Variants in B3GALT1 observed in about 807,000 individuals in gnomAD.
The protein encoded by B3GALT1 is beta-1,3-galactosyltransferase 1, also known as UDP-Gal:betaGlcNAc beta 1,3-galactosyltransferase, polypeptide 1.
Under a neutral mutation model 23.2 loss-of-function variants are expected in B3GALT1, and 10 were observed. The observed-to-expected ratio is 0.43, with a 90% CI of 0.27 to 0.73. The LOEUF (loss-of-function observed/expected upper bound fraction) is 0.73. B3GALT1 is among the 30% of genes least tolerant of loss of function. The pLI, the probability that B3GALT1 is intolerant of heterozygous loss-of-function variation, is 0.21. For missense variants in B3GALT1, 299 were observed against 405.4 expected, an observed-to-expected ratio of 0.74 and a Z score of 2.25; for synonymous variants, 156 against 141.5, an observed-to-expected ratio of 1.10 and a Z score of -0.73.
chr2:167,381,171 G>A (rs959708994), intron 1 of B3GALT1, among the ~76,000 whole-genome samples: 2 of 152,016 alleles, frequency 1.3e-5, no homozygotes, highest in Non-Finnish European at 2.9e-5. Flanking sequence ...AGGCTCAAGC[G>A]ATCCTCCCAC....
At chr2:167,671,324 A>T (rs577637768) in intron 3 of B3GALT1, among the ~76,000 whole-genome samples, 1 of 152,170 alleles carries the variant, frequency 6.6e-6, no homozygotes, top group Admixed American at 6.6e-5. Flanking sequence ...TAACAGACAA[A>T]TACAGAACAT....
intron 2 of B3GALT1, among the ~76,000 whole-genome samples, chr2:167,603,588 A>C (rs180981641): frequency 6.6e-6 from 1 of 152,244 alleles, no homozygotes; most frequent in African/African-American, 2.4e-5. Flanking sequence ...TGATCCTTAC[A>C]TGCTGGTTAT....
At chr2:167,737,632 A>G (rs57148005) in intron 3 of B3GALT1, among the ~76,000 whole-genome samples, 21,830 of 152,268 alleles carry the variant, frequency 0.14, 1,798 homozygotes, top group South Asian at 0.21. Context: ...TCCTGTCTTC[A>G]GACATTTGGA....
At chr2:167,867,120 G>A (rs1398260180) in intron 4 of B3GALT1, among the ~76,000 whole-genome samples, 18 of 152,180 alleles carry the variant, frequency 1.2e-4, no homozygotes, top group African/African-American at 2.9e-4. Context: ...TAGAGACGGG[G>A]TTTCACCGTT....
At chr2:167,396,006 C>T (rs954573491) in intron 1 of B3GALT1, among the ~76,000 whole-genome samples, 1 of 152,082 alleles carries the variant, frequency 6.6e-6, no homozygotes, top group African/African-American at 2.4e-5. Context: ...CCTACCCTCA[C>T]CCCTCCAGAG....
chr2:167,514,334 G>T (rs1443267740), intron 2 of B3GALT1, among the ~76,000 whole-genome samples: 1 of 152,112 alleles, frequency 6.6e-6, no homozygotes, highest in African/African-American at 2.4e-5. Context: ...AAAATGTTTG[G>T]AACTGAATAA....
chr2:167,560,581 C>G (rs979528874), intron 2 of B3GALT1, among the ~76,000 whole-genome samples: 1 of 152,054 alleles, frequency 6.6e-6, no homozygotes, highest in Admixed American at 6.6e-5. Context: ...CAGAGACACA[C>G]ATAGGCTCAA....
chr2:167,831,122 A>T (rs955902423), intron 4 of B3GALT1, among the ~76,000 whole-genome samples: 22 of 152,254 alleles, frequency 1.4e-4, no homozygotes, highest in Non-Finnish European at 2.4e-4. Flanking sequence ...TGTCAGCATT[A>T]CATTTGACAC....
At position 167,799,111 on chromosome 2, in the gene B3GALT1, G is replaced by A. The variant is rs1688592951; in HGVS notation, c.-351-19561G>A. Among the ~76,000 whole-genome samples, 8 of 152,086 alleles carry A rather than the reference G, an allele frequency of 5.3e-5. No individual in the cohort carries two copies. The South Asian group carries it at 1.7e-3, about 32-fold the overall frequency. ...GTACCCTCTTATTTATGTTGCCATAGATACCATTTCCTTAATATAGTACTT... is the reference window on the plus strand; with the variant it reads ...GTACCCTCTTATTTATGTTGCCATAAATACCATTTCCTTAATATAGTACTT... On this transcript the variant is annotated intron_variant, in intron 3 of 4. Coordinates refer to ENST00000392690, the MANE Select transcript of B3GALT1 (RefSeq NM_020981.4).
chr2:167,545,172 C>G (rs1683611811), intron 2 of B3GALT1, among the ~76,000 whole-genome samples: 1 of 151,276 alleles, frequency 6.6e-6, no homozygotes, highest in South Asian at 2.1e-4. Context: ...GTAGCTGGGA[C>G]TACAGGTGCC....
In B3GALT1 at chr2:167,869,594, C is replaced by T. The variant is rs545323894; in HGVS notation, c.555C>T (p.Asp185=). The change falls in exon 5 of 5, where the codon GAC becomes GAT. Residue 185 remains aspartate, a synonymous_variant. Coordinates refer to ENST00000392690, the MANE Select transcript of B3GALT1 (RefSeq NM_020981.4). The surrounding 1 kb of genome is among the most constrained non-coding windows in gnomAD (Gnocchi z 6.4). ...KTDSDIFVNM[D]NLIYKLLKPS... ...ACAGCGACATTTTTGTAAACATGGA[C>T]AATCTTATTTATAAATTACTGAAAC... 1.2e-6 allele frequency: 2 copies of T among 1,614,112 alleles called. No homozygotes were observed. Among genetic ancestry groups the T allele is most frequent in the South Asian group, 1.1e-5 (1 of 91,078 alleles).
At chr2:167,343,121 A>T (rs1223111804) in intron 1 of B3GALT1, among the ~76,000 whole-genome samples, 1 of 152,168 alleles carries the variant, frequency 6.6e-6, no homozygotes, top group East Asian at 1.9e-4. Flanking sequence ...TTCTTCCATT[A>T]TGATGGATGA....
chr2:167,435,574 G>A (rs1431504306), intron 1 of B3GALT1, among the ~76,000 whole-genome samples: 1 of 151,088 alleles, frequency 6.6e-6, no homozygotes, highest in Non-Finnish European at 1.5e-5. Flanking sequence ...GGAAATGTAA[G>A]ACTCTTAGTT....
chr2:167,344,287 T>C (rs1697196297), intron 1 of B3GALT1, among the ~76,000 whole-genome samples: 1 of 152,168 alleles, frequency 6.6e-6, no homozygotes, highest in South Asian at 2.1e-4. Context: ...CAAACTCACC[T>C]TCACTTCCAA....
In B3GALT1 at chr2:167,870,461, G is replaced by A. The variant is rs754894600; in HGVS notation, c.*441G>A. ...CACACTGGATGTGATTATTAATATCGTGTGTGTTGTTACATTATATTTTTA... is the reference window on the plus strand; with the variant it reads ...CACACTGGATGTGATTATTAATATCATGTGTGTTGTTACATTATATTTTTA... On this transcript the variant is annotated 3_prime_UTR_variant, in exon 5 of 5. Transcript: ENST00000392690. 22 of 171,504 alleles carry A rather than the reference G, an allele frequency of 1.3e-4. No homozygotes were observed. The highest frequency in any genetic ancestry group is 1.9e-4 in the African/African-American group (8 of 41,512). 10.6% of individuals were successfully genotyped at this position (171,504 alleles called of 1,614,324 possible).
chr2:167,718,359 G>A (rs897345893), intron 3 of B3GALT1, among the ~76,000 whole-genome samples: 2 of 151,868 alleles, frequency 1.3e-5, no homozygotes, highest in Non-Finnish European at 2.9e-5. Flanking sequence ...TGTTCTGCAG[G>A]GCAAAGACAT....
At chr2:167,633,970 A>G (rs1320403997) in intron 2 of B3GALT1, among the ~76,000 whole-genome samples, 1 of 152,138 alleles carries the variant, frequency 6.6e-6, no homozygotes, top group Non-Finnish European at 1.5e-5. Flanking sequence ...CCAAATGCAA[A>G]AGAATGGAAA....
At chr2:167,392,693 T>G (rs186843526) in intron 1 of B3GALT1, among the ~76,000 whole-genome samples, 1 of 152,280 alleles carries the variant, frequency 6.6e-6, no homozygotes. Flanking sequence ...TGGCTCAAAC[T>G]TCAGTGTTTT....
chr2:167,840,902 C>A (rs1420649581), intron 4 of B3GALT1, among the ~76,000 whole-genome samples: 1 of 146,388 alleles, frequency 6.8e-6, no homozygotes, highest in Admixed American at 6.8e-5. Context: ...TGGAAATCAT[C>A]ATTCTCAGTA....
Sources: allele counts gnomAD v4.1 joint callset (sites outside exome capture counted in the v4.1 genomes callset), GRCh38; gene constraint gnomAD v4.1.1; non-coding constraint Gnocchi (gnomAD v3.1); transcripts MANE v1.5; gene names NCBI Gene and HGNC (gene_info 2026-07-23, HGNC 2026-07-21).